The following TRAFD1 variants were observed in gnomAD, a reference collection of about 807,000 sequenced individuals.
TRAFD1 encodes TRAF-type zinc finger domain containing 1, also known as TRAF-type zinc finger domain-containing protein 1.
In TRAFD1, 38 loss-of-function variants were observed where a neutral mutation model predicts 65.3. The ratio of observed to expected loss-of-function variants is 0.58; its 90% CI spans 0.45 to 0.76. The LOEUF (loss-of-function observed/expected upper bound fraction) is 0.76. Ranked by LOEUF, TRAFD1 falls within the 30% of genes least tolerant of loss-of-function variation. TRAFD1 has a pLI of 0.00. For synonymous variants in TRAFD1, 223 were observed against 257.2 expected (o/e 0.87, Z 1.27); for missense variants, 631 against 712.6 (o/e 0.89, Z 1.30).
At chr12:112,148,906 T>C (rs1029735008) in intron 8 of TRAFD1, among the ~76,000 whole-genome samples, 1 of 152,158 alleles carries the variant, frequency 6.6e-6, no homozygotes, top group African/African-American at 2.4e-5. Context: ...GTACATTTCA[T>C]TTCTGTAATA....
intron 5 of TRAFD1, 163 bp downstream of exon 5, chr12:112,141,387 A>G (rs2030086490): frequency 3.7e-6 from 3 of 805,908 alleles, no homozygotes; most frequent in South Asian, 1.9e-5. Flanking sequence ...AATAACCTCC[A>G]TTGGATTATA....
intron 7 of TRAFD1, among the ~76,000 whole-genome samples, chr12:112,147,306 C>T (rs1341132118): frequency 6.6e-6 from 1 of 152,010 alleles, no homozygotes; most frequent in African/African-American, 2.4e-5. Flanking sequence ...CAGGAGGGAA[C>T]TTCTTGTTCC....
At chr12:112,126,430 G>A (rs1225633540) in intron 1 of TRAFD1, among the ~76,000 whole-genome samples, 2 of 152,106 alleles carry the variant, frequency 1.3e-5, no homozygotes, top group Non-Finnish European at 2.9e-5. Flanking sequence ...TCAGTCCTCT[G>A]CCTGAAGAAT....
chr12:112,149,880 T>G lies in TRAFD1; in HGVS notation c.1279+9T>G. ...GCGTGTCAGACACCAGGGTATTTATTAGCCAGGACTCAGCCAAGGCCGCAG... is the reference window on the plus strand; with the variant it reads ...GCGTGTCAGACACCAGGGTATTTATGAGCCAGGACTCAGCCAAGGCCGCAG... On this transcript the variant is annotated intron_variant, in intron 9 of 11. Transcript: ENST00000412615. The G allele has an allele frequency of 6.2e-7, 1 of 1,613,888 alleles. No homozygotes were observed. Among genetic ancestry groups the G allele is most frequent in the Non-Finnish European group, 8.5e-7 (1 of 1,179,848 alleles).
chr12:112,141,111 C>A lies in TRAFD1; in HGVS notation c.530C>A (p.Pro177Gln). The A allele has an allele frequency of 6.2e-7, 1 of 1,614,156 alleles. No homozygotes were observed. The highest frequency in any genetic ancestry group is 8.5e-7 in the Non-Finnish European group (1 of 1,180,032). The change falls in exon 5 of 12, where the codon CCA becomes CAA. Residue 177 changes from proline (P) to glutamine (Q), a missense_variant. Transcript: ENST00000412615. ...QLLRQIEALD[P>Q]PMRLPRRPLR... ...CTCAGACAAATTGAGGCTCTGGACC[C>A]ACCCATGAGGCTGCCGCGAAGGCCC...
chr12:112,150,996 T>C (rs1316828575), intron 9 of TRAFD1, among the ~76,000 whole-genome samples: 1 of 152,038 alleles, frequency 6.6e-6, no homozygotes, highest in Non-Finnish European at 1.5e-5. Context: ...TCCCAGCACT[T>C]TGGGAGGCTG....
chr12:112,133,525 G>A (rs560588686), intron 2 of TRAFD1, among the ~76,000 whole-genome samples: 1 of 152,186 alleles, frequency 6.6e-6, no homozygotes, highest in South Asian at 2.1e-4. Flanking sequence ...TAATCCTGGA[G>A]CGTATCACTC....
chr12:112,151,780 G>C (rs2030413300), intron 9 of TRAFD1, 21 bp from the exon 10 acceptor site: 2 of 1,600,880 alleles, frequency 1.2e-6, no homozygotes, highest in African/African-American at 2.7e-5. Context: ...TCCTAAAGCT[G>C]TTACCATTTT....
intron 8 of TRAFD1, chr12:112,149,501 T>C (rs2030342590): frequency 5.5e-6 from 2 of 365,740 alleles, no homozygotes; most frequent in East Asian, 9.8e-5. Context: ...AAATAAATGT[T>C]TTTCTGGGCT....
chr12:112,140,996 G>T lies in TRAFD1; in HGVS notation c.415G>T (p.Gly139Trp), dbSNP rs764727940. The change falls in exon 5 of 12, where the codon GGG becomes TGG. Residue 139 changes from glycine to tryptophan, a missense_variant. Transcript: ENST00000412615. ...TCACCCTGAAGTTTGTGGGAGAGAGGGGGAGGAAAAGAGAAATGAGGTTGC... is the reference window on the plus strand; with the variant it reads ...TCACCCTGAAGTTTGTGGGAGAGAGTGGGAGGAAAAGAGAAATGAGGTTGC... Reference protein sequence around the residue: ...KTHPEVCGREGEEKRNEVAIP... With the variant: ...KTHPEVCGREWEEKRNEVAIP... The T allele has an allele frequency of 3.4e-5, 55 of 1,614,022 alleles. No individual in the cohort carries two copies. The highest frequency in any genetic ancestry group is 4.5e-5 in the Non-Finnish European group (53 of 1,180,030).
At chr12:112,138,543 G>A (rs535020712) in intron 4 of TRAFD1, among the ~76,000 whole-genome samples, 3 of 148,302 alleles carry the variant, frequency 2.0e-5, no homozygotes, top group East Asian at 4.0e-4. Context: ...GAGTGAGACT[G>A]TCTCAAAAAA....
At chr12:112,135,130 G>A in intron 4 of TRAFD1, 64 bp downstream of exon 4, 2 of 1,586,364 alleles carry the variant, frequency 1.3e-6, no homozygotes, top group East Asian at 2.2e-5. Flanking sequence ...CACATGCAGA[G>A]CAGGAAGCCA....
Position 112,142,299 on chromosome 12 carries a change from G to A in TRAFD1, c.850+4G>A. On this transcript the variant is annotated splice_donor_region_variant and intron_variant, in intron 6 of 11. Coordinates refer to ENST00000412615, the MANE Select transcript of TRAFD1 (RefSeq NM_006700.3). ...AGGTCTCTCAGTGACATAAAGGGTAGGCTTGCTTATTCTGCACTAGCCTCT... is the reference window on the plus strand; with the variant it reads ...AGGTCTCTCAGTGACATAAAGGGTAAGCTTGCTTATTCTGCACTAGCCTCT... The A allele has an allele frequency of 6.2e-7, 1 of 1,610,424 alleles. No homozygotes were observed. The highest frequency in any genetic ancestry group is 1.1e-5 in the South Asian group (1 of 91,006).
chr12:112,148,919 G>C (rs1289271939), intron 8 of TRAFD1, among the ~76,000 whole-genome samples: 1 of 152,038 alleles, frequency 6.6e-6, no homozygotes, highest in African/African-American at 2.4e-5. Flanking sequence ...CTGTAATAAA[G>C]ACTCCTGCTT....
rs2030439218 is a variant in TRAFD1, at chr12:112,152,529, G to C, written c.1692+30G>C. The C allele has an allele frequency of 6.2e-7, 1 of 1,613,146 alleles. No homozygotes were observed. ...GGTGGGCTCCAGCCCATGATGCTCA[G>C]TGGGGGACTCAGACATGGTGGGGCT... On this transcript the variant is annotated intron_variant, in intron 11 of 11. Transcript: ENST00000412615. This position sits in a 1 kb window ranked among gnomAD's most constrained non-coding sequence, Gnocchi z 5.0.
intron 1 of TRAFD1, among the ~76,000 whole-genome samples, chr12:112,127,266 A>G (rs2079543567): frequency 6.6e-6 from 1 of 151,406 alleles, no homozygotes; most frequent in African/African-American, 2.4e-5. Flanking sequence ...TTCCCTGACC[A>G]CTCTTATCTA....
chr12:112,138,455 C>T (rs529056042), intron 4 of TRAFD1, among the ~76,000 whole-genome samples: 257 of 151,840 alleles, frequency 1.7e-3, no homozygotes, highest in African/African-American at 6.1e-3. Context: ...GAGGCTGAGG[C>T]AGGATAATTG....
At position 112,143,385 on chromosome 12, in the gene TRAFD1, G is replaced by A. The variant is rs139492561; in HGVS notation, c.850+1090G>A. ...TGAGCTACTGCGCCCAGCCATGCCC[G>A]GCTAATTTTTTGTATTATTAGTAGA... On this transcript the variant is annotated intron_variant, in intron 6 of 11. Coordinates refer to ENST00000412615, the MANE Select transcript of TRAFD1 (RefSeq NM_006700.3). 1.3e-3 allele frequency among the ~76,000 whole-genome samples: 200 copies of A among 151,974 alleles called. 2 individuals carry two copies. The highest frequency in any genetic ancestry group is 3.4e-3 in the Middle Eastern group (1 of 292).
In TRAFD1 at chr12:112,135,073, C is replaced by A. The variant is rs374876414; in HGVS notation, c.237+7C>A. ...GCTGTTAAAGAAGCATGAGGTTAGTCCATGGAGTGAGTTACCGTGGGCCCA... is the reference window on the plus strand; with the variant it reads ...GCTGTTAAAGAAGCATGAGGTTAGTACATGGAGTGAGTTACCGTGGGCCCA... On this transcript the variant is annotated splice_region_variant and intron_variant, in intron 4 of 11. Transcript: ENST00000412615. 6.2e-7 allele frequency: 1 copy of A among 1,614,036 alleles called. No homozygotes were observed. Among genetic ancestry groups the A allele is most frequent in the Non-Finnish European group, 8.5e-7 (1 of 1,180,022 alleles).
Sources: allele counts gnomAD v4.1 joint callset (sites outside exome capture counted in the v4.1 genomes callset), GRCh38; gene constraint gnomAD v4.1.1; non-coding constraint Gnocchi (gnomAD v3.1); transcripts MANE v1.5; gene names NCBI Gene and HGNC (gene_info 2026-07-23, HGNC 2026-07-21).